The following ROBO2 variants were observed in gnomAD, a reference collection of about 807,000 sequenced individuals.
ROBO2 encodes the protein roundabout homolog 2.
A neutral mutation model predicts 160.8 loss-of-function variants in ROBO2; 53 were observed. That is an observed-to-expected ratio of 0.33 (90% confidence interval 0.26 to 0.41). The LOEUF is 0.41. Ranked by LOEUF, ROBO2 falls within the 10% of genes least tolerant of loss-of-function variation. The pLI is 1.00. For synonymous variants in ROBO2, 664 were observed against 611.7 expected, an observed-to-expected ratio of 1.09 and a Z score of -1.26; for missense variants, 1,577 against 1,722.4, an observed-to-expected ratio of 0.92 and a Z score of 1.49.
At chr3:76,198,052 C>T (rs968194307) in intron 2 of ROBO2, among the ~76,000 whole-genome samples, 2 of 152,298 alleles carry the variant, frequency 1.3e-5, no homozygotes, top group South Asian at 4.1e-4. Flanking sequence ...ACCGACTAAA[C>T]GGATCCCTCC....
At chr3:76,482,178 C>T (rs1239583176) in intron 2 of ROBO2, among the ~76,000 whole-genome samples, 5 of 152,108 alleles carry the variant, frequency 3.3e-5, no homozygotes, top group Non-Finnish European at 5.9e-5. Context: ...GCAGGTATGC[C>T]TTTATTTCAT....
intron 2 of ROBO2, among the ~76,000 whole-genome samples, chr3:76,163,592 C>T (rs1412856672): frequency 6.7e-6 from 1 of 150,258 alleles, no homozygotes; most frequent in Non-Finnish European, 1.5e-5. Flanking sequence ...AGAAATATTG[C>T]AGGTTTGGTT....
chr3:77,270,516 G>A (rs949148084), intron 2 of ROBO2, among the ~76,000 whole-genome samples: 19 of 152,042 alleles, frequency 1.2e-4, no homozygotes, highest in African/African-American at 4.1e-4. Context: ...ATTGACATTT[G>A]AAGATTGCTG....
At chr3:77,476,368 ATGTGTGTGTGTG>A (rs60219148) in intron 2 of ROBO2, among the ~76,000 whole-genome samples, 73,473 of 144,110 alleles carry the variant, frequency 0.51, 18,481 homozygotes, top group East Asian at 0.64. Context: ...GTCTGTGGGT[ATGTGTGTGTGTG>A]TGTGTGTGTG....
intron 2 of ROBO2, among the ~76,000 whole-genome samples, chr3:76,390,825 C>G (rs1243605406): frequency 6.6e-6 from 1 of 152,074 alleles, no homozygotes; most frequent in Non-Finnish European, 1.5e-5. Context: ...GTGGATTAGT[C>G]ATATCCCATC....
chr3:76,328,545 T>G (rs1378895303), intron 2 of ROBO2, among the ~76,000 whole-genome samples: 1 of 152,006 alleles, frequency 6.6e-6, no homozygotes, highest in Admixed American at 6.6e-5. Flanking sequence ...GCTAACACGG[T>G]GAAACCCCAT....
chr3:76,334,846 G>A (rs1267139773), intron 2 of ROBO2, among the ~76,000 whole-genome samples: 5 of 152,182 alleles, frequency 3.3e-5, no homozygotes, highest in Non-Finnish European at 7.4e-5. Flanking sequence ...GTAAAGAAAG[G>A]AGTTACCTGA....
chr3:76,249,115 G>T (rs1705820499), intron 2 of ROBO2, among the ~76,000 whole-genome samples: 1 of 152,072 alleles, frequency 6.6e-6, no homozygotes, highest in African/African-American at 2.4e-5. Flanking sequence ...TATTTTATAA[G>T]TAGTTAATAA....
intron 2 of ROBO2, among the ~76,000 whole-genome samples, chr3:76,931,342 C>T (rs1242581132): frequency 6.6e-6 from 1 of 151,970 alleles, no homozygotes; most frequent in Non-Finnish European, 1.5e-5. Context: ...TGTTAGTTTA[C>T]CACAATTCAG....
intron 2 of ROBO2, among the ~76,000 whole-genome samples, chr3:77,119,108 T>C (rs952039501): frequency 2.6e-5 from 4 of 152,150 alleles, no homozygotes; most frequent in East Asian, 1.9e-4. Context: ...TCCCCCTTGC[T>C]CTCTCTTCTC....
chr3:77,238,125 C>G (rs2088367734), intron 2 of ROBO2, among the ~76,000 whole-genome samples: 1 of 152,122 alleles, frequency 6.6e-6, no homozygotes. Flanking sequence ...TATATACTTG[C>G]ATAACAGTCC....
intron 2 of ROBO2, among the ~76,000 whole-genome samples, chr3:76,391,212 T>C (rs2077134791): frequency 6.6e-6 from 1 of 152,182 alleles, no homozygotes. Flanking sequence ...AACAGGGCCG[T>C]ATACATCTGG....
chr3:76,583,782 A>G lies in ROBO2; in HGVS notation c.110-514232A>G, dbSNP rs114701021. ...CGATGCCTTTAGCCCCAAATCTACT[A>G]TAACCCATATGCCTTTATTTCCAAC... On this transcript the variant is annotated intron_variant, in intron 2 of 26. Coordinates refer to the ROBO2 transcript ENST00000487694. Among the ~76,000 whole-genome samples the G allele has an allele frequency of 1.1e-3, 164 of 152,230 alleles. 1 individual carries two copies. The highest frequency in any genetic ancestry group is 3.0e-3 in the Admixed American group (46 of 15,272).
intron 2 of ROBO2, among the ~76,000 whole-genome samples, chr3:77,106,935 T>C (rs115343172): frequency 0.026 from 3,957 of 152,354 alleles, 83 homozygotes; most frequent in Middle Eastern, 0.065. Flanking sequence ...TCTAACATAG[T>C]CCTCCTTTGT....
At chr3:76,658,510 C>T (rs954166535) in intron 2 of ROBO2, among the ~76,000 whole-genome samples, 2 of 152,026 alleles carry the variant, frequency 1.3e-5, no homozygotes, top group Non-Finnish European at 2.9e-5. Flanking sequence ...CAACAGGCCC[C>T]GGCATGTGAT....
chr3:76,176,065 A>G (rs548299748), intron 2 of ROBO2, among the ~76,000 whole-genome samples: 1 of 152,162 alleles, frequency 6.6e-6, no homozygotes, highest in Non-Finnish European at 1.5e-5. Context: ...TATGGAAACA[A>G]TAAAATCCAT....
intron 5 of ROBO2, among the ~76,000 whole-genome samples, chr3:77,504,266 C>T (rs192813315): frequency 5.3e-4 from 81 of 152,306 alleles, no homozygotes; most frequent in Middle Eastern, 3.4e-3. Context: ...ACTCATTCAT[C>T]AGTATAGACA....
intron 2 of ROBO2, among the ~76,000 whole-genome samples, chr3:76,448,425 A>G (rs917638315): frequency 6.6e-6 from 1 of 152,140 alleles, no homozygotes; most frequent in African/African-American, 2.4e-5. Flanking sequence ...TGAGATAATG[A>G]GCACCAAGGC....
chr3:76,913,794 T>C (rs1577437565), intron 2 of ROBO2, among the ~76,000 whole-genome samples: 1 of 152,010 alleles, frequency 6.6e-6, no homozygotes, highest in Admixed American at 6.6e-5. Flanking sequence ...TAAATGTGAG[T>C]AATACTCCTT....
Sources: gnomAD v4.1 joint callset for allele counts (sites outside exome capture counted in the v4.1 genomes callset) on GRCh38, gnomAD v4.1.1 for gene constraint, MANE v1.5 for transcripts, NCBI Gene and HGNC (gene_info 2026-07-23, HGNC 2026-07-21) for gene names.